NOTCH2: variants seen among roughly 807,000 people sequenced by gnomAD.
NOTCH2 encodes neurogenic locus notch homolog protein 2.
In NOTCH2, 29 loss-of-function variants were observed where a neutral mutation model predicts 235.8. That is an observed-to-expected ratio of 0.12 (90% CI 0.09 to 0.17). The LOEUF (loss-of-function observed/expected upper bound fraction) is 0.17. Ranked by LOEUF, NOTCH2 falls within the 10% of genes least tolerant of loss-of-function variation. The pLI is 1.00. For missense variants in NOTCH2, 2,285 were observed against 3,150.2 expected (o/e 0.73, Z 6.57); for synonymous variants, 1,086 against 1,141.5 (o/e 0.95, Z 0.98).
chr1:120,043,152 A>C (rs2101375993), intron 1 of NOTCH2, among the ~76,000 whole-genome samples: 1 of 151,068 alleles, frequency 6.6e-6, no homozygotes, highest in South Asian at 2.1e-4. Context: ...TCAGCTTCTA[A>C]TAGGCAGGGA....
At position 119,922,679 on chromosome 1, in the gene NOTCH2, G is replaced by A. The variant is rs34071598; in HGVS notation, c.4959C>T (p.His1653=). 19 of 1,614,048 alleles carry A rather than the reference G, an allele frequency of 1.2e-5. No individual in the cohort carries two copies. Among genetic ancestry groups the A allele is most frequent in the South Asian group, 3.3e-5 (3 of 91,084 alleles). ...TDAAAALLAS[H]AIQGTLSYPL... is the part of the protein sequence containing the mutation. ...GGTATGACAGGGTCCCCTGTATGGCGTGAGAGGCCAGGAGAGCTGCTGCTG... is the reference window on the plus strand; with the variant it reads ...GGTATGACAGGGTCCCCTGTATGGCATGAGAGGCCAGGAGAGCTGCTGCTG... Residue 1653 remains histidine (H), a synonymous_variant, in exon 27 of 34, where the codon CAC becomes CAT. Transcript: ENST00000256646.
intron 6 of NOTCH2, among the ~76,000 whole-genome samples, chr1:119,968,635 A>G (rs1388403336): frequency 1.3e-5 from 2 of 152,236 alleles, no homozygotes; most frequent in South Asian, 2.1e-4. Flanking sequence ...CATACATCCT[A>G]TATTTTATCC....
At chr1:119,978,395 G>A (rs1651675565) in intron 5 of NOTCH2, among the ~76,000 whole-genome samples, 1 of 152,128 alleles carries the variant, frequency 6.6e-6, no homozygotes, top group African/African-American at 2.4e-5. Context: ...GAAATGACTC[G>A]ATCCAATGCA....
At chr1:119,965,145 A>G (rs1330828512) in intron 10 of NOTCH2, among the ~76,000 whole-genome samples, 2 of 151,752 alleles carry the variant, frequency 1.3e-5, no homozygotes. Flanking sequence ...ATAGCTTTCA[A>G]CTGGATTTCT....
At chr1:119,953,512 C>G in intron 14 of NOTCH2, 31 bp downstream of exon 14, 1 of 1,612,168 alleles carries the variant, frequency 6.2e-7, no homozygotes, top group Non-Finnish European at 8.5e-7. Context: ...AGACAAAGAG[C>G]AGACGCAGAA....
chr1:119,987,549 G>C lies in NOTCH2; in HGVS notation c.752-467C>G, dbSNP rs587664654. Reference sequence around the variant, plus strand: ...TCCAAGCCAGGTGGGGAAGGGAGTGGGGGAGGATATAGGAAAAATATTGAA... The same window carrying C: ...TCCAAGCCAGGTGGGGAAGGGAGTGCGGGAGGATATAGGAAAAATATTGAA... On this transcript the variant is annotated intron_variant, in intron 4 of 33. Coordinates refer to ENST00000256646, the MANE Select transcript of NOTCH2 (RefSeq NM_024408.4). 3.9e-5 allele frequency among the ~76,000 whole-genome samples: 6 copies of C among 152,194 alleles called. No homozygotes were observed. The South Asian group carries it at 1.0e-3, about 26-fold the overall frequency.
Position 119,966,481 on chromosome 1 carries a change from C to T in NOTCH2, c.1462G>A (p.Gly488Ser). Residue 488 changes from glycine (G) to serine (S), a missense_variant, in exon 9 of 34, where the codon GGT becomes AGT. By Grantham distance (56) the Gly-to-Ser change is moderately conservative. This residue lies in a region of NOTCH2 where 431 missense variants were observed against 757.8 expected (regional missense o/e 0.57). Transcript: ENST00000256646. The stretch of plus-strand genomic sequence containing the variant: ...TTTATTTCTAATTCACAATGCACAC[C>T]TTTGAAACCTAAACAAAACAGACCA... ...FTCLCMPGFKGVHCELEINEC... is the reference protein window; with the variant it reads ...FTCLCMPGFKSVHCELEINEC... 1 of 1,611,698 alleles carries T rather than the reference C, an allele frequency of 6.2e-7. No individual in the cohort carries two copies. The highest frequency in any genetic ancestry group is 8.5e-7 in the Non-Finnish European group (1 of 1,177,820).
intron 2 of NOTCH2, among the ~76,000 whole-genome samples, chr1:120,024,650 A>G (rs1270414381): frequency 4.5e-5 from 6 of 134,090 alleles, no homozygotes; most frequent in Non-Finnish European, 8.3e-5. Context: ...TATATTTATA[A>G]TAATTTACCT....
rs1553199686 is a variant in NOTCH2, at chr1:119,966,455, A to G, written c.1488T>C (p.Asn496=). Reference sequence around the variant, plus strand: ...TCACACAAGGGTTGCTCTGACATTCATTTATTTCTAATTCACAATGCACAC... The same window carrying G: ...TCACACAAGGGTTGCTCTGACATTCGTTTATTTCTAATTCACAATGCACAC... ...FKGVHCELEI[N]ECQSNPCVNN... is the part of the protein sequence containing the mutation. The change falls in exon 9 of 34, where the codon AAT becomes AAC. Residue 496 remains asparagine, a synonymous_variant. Coordinates refer to ENST00000256646, the MANE Select transcript of NOTCH2 (RefSeq NM_024408.4). The G allele has an allele frequency of 1.5e-5, 25 of 1,613,838 alleles. No individual in the cohort carries two copies. Among genetic ancestry groups the G allele is most frequent in the Non-Finnish European group, 2.1e-5 (25 of 1,179,864 alleles).
At chr1:119,948,282 T>C in intron 17 of NOTCH2, 132 bp downstream of exon 17, 1 of 929,824 alleles carries the variant, frequency 1.1e-6, no homozygotes, top group South Asian at 1.3e-5. Context: ...AACACTACTG[T>C]TAAATATGCT....
intron 19 of NOTCH2, among the ~76,000 whole-genome samples, chr1:119,939,304 A>G (rs1159828490): frequency 3.3e-5 from 5 of 152,168 alleles, no homozygotes; most frequent in Admixed American, 3.3e-4. Context: ...AGTTCTTACC[A>G]AAAAAGTTTA....
intron 1 of NOTCH2, chr1:120,068,911 G>A: frequency 5.0e-6 from 4 of 807,972 alleles, no homozygotes; most frequent in Non-Finnish European, 3.7e-6. Flanking sequence ...TGGCGGCCCT[G>A]CCCCCGCTCT....
Position 119,950,696 on chromosome 1 carries a change from G to A in NOTCH2, c.2479+28C>T, listed in dbSNP as rs782644248. 6 of 1,403,824 alleles carry A rather than the reference G, an allele frequency of 4.3e-6. No homozygotes were observed. The South Asian group carries it at 5.8e-5, about 13-fold the overall frequency. The allele number at this position is 1,403,824 out of a possible 1,614,324, so 87.0% of individuals were successfully genotyped here. On this transcript the variant is annotated intron_variant, in intron 15 of 33. Coordinates refer to ENST00000256646, the MANE Select transcript of NOTCH2 (RefSeq NM_024408.4). Reference sequence around the variant, plus strand: ...CAAAGCAAGGTCAAGTATCCCCTCTGGTCCCTGCTGGTACCTCCAGGACCC... The same window carrying A: ...CAAAGCAAGGTCAAGTATCCCCTCTAGTCCCTGCTGGTACCTCCAGGACCC...
chr1:119,981,868 G>A (rs587705925), intron 5 of NOTCH2, among the ~76,000 whole-genome samples: 2 of 152,004 alleles, frequency 1.3e-5, no homozygotes, highest in South Asian at 4.2e-4. Context: ...GAATATAAAA[G>A]AGAGCAGCTT....
chr1:119,988,079 A>C (rs1279155185), intron 4 of NOTCH2, among the ~76,000 whole-genome samples: 2 of 152,130 alleles, frequency 1.3e-5, no homozygotes, highest in Non-Finnish European at 2.9e-5. Context: ...ATATCCCTTA[A>C]GGTTCCTCTC....
chr1:119,935,332 T>A, intron 22 of NOTCH2, 140 bp downstream of exon 22: 1 of 1,594,884 alleles, frequency 6.3e-7, no homozygotes, highest in East Asian at 2.2e-5. Flanking sequence ...ATGGCTTGAA[T>A]TACTAGGATG....
At chr1:119,932,084 C>T (rs1044767856) in intron 22 of NOTCH2, among the ~76,000 whole-genome samples, 3 of 150,522 alleles carry the variant, frequency 2.0e-5, no homozygotes, top group Non-Finnish European at 4.4e-5. Flanking sequence ...ATATATTCTC[C>T]ACCTTAAGAA....
chr1:119,999,960 AAAGAAAGAAAGAAAGAAAGGAAGGAAGG>A lies in NOTCH2; in HGVS notation c.416-2656_416-2629del, dbSNP rs1156429189. On this transcript the variant is annotated intron_variant, in intron 3 of 33. Coordinates refer to ENST00000256646, the MANE Select transcript of NOTCH2 (RefSeq NM_024408.4). ...GAAAGAAAGAAAGAAAGAAAGAAAGAAAGAAAGAAAGAAAGAAAGGAAGGAAGGAAGGAAGGAAGGAAGGAAGGAAGGA... is the reference window on the plus strand; with the variant it reads ...GAAAGAAAGAAAGAAAGAAAGAAAGAAAGGAAGGAAGGAAGGAAGGAAGGA... Among the ~76,000 whole-genome samples, 878 of 131,574 alleles carry A rather than the reference AAAGAAAGAAAGAAAGAAAGGAAGGAAGG, an allele frequency of 6.7e-3. 4 individuals are homozygous for A. The highest frequency in any genetic ancestry group is 0.023 in the African/African-American group (661 of 28,206). The allele number at this position is 131,574 out of a possible 152,430, so 86.3% of individuals were successfully genotyped here.
At position 119,937,853 on chromosome 1, in the gene NOTCH2, T is replaced by C. The variant is rs782048234; in HGVS notation, c.3337+4A>G. On this transcript the variant is annotated splice_donor_region_variant and intron_variant, in intron 20 of 33. Transcript: ENST00000256646. ...TGACCTGAGCCCAAGGGAGCAAAGC[T>C]TACCTCTCCTGGAGGCTGCTATGTC... The C allele has an allele frequency of 6.8e-6, 11 of 1,614,008 alleles. No homozygotes were observed. Among genetic ancestry groups the C allele is most frequent in the Non-Finnish European group, 9.3e-6 (11 of 1,180,040 alleles).
Sources: gnomAD v4.1 joint callset for allele counts (sites outside exome capture counted in the v4.1 genomes callset) on GRCh38, gnomAD v4.1.1 for gene constraint, gnomAD v4.1.1 regional missense constraint, MANE v1.5 for transcripts, NCBI Gene and HGNC (gene_info 2026-07-23, HGNC 2026-07-21) for gene names.